The following DCAF13 variants were observed in gnomAD, a reference collection of about 807,000 sequenced individuals.
The protein encoded by DCAF13 is DDB1- and CUL4-associated factor 13.
Under a neutral mutation model 59.0 loss-of-function variants are expected in DCAF13, and 38 were observed. The ratio of observed to expected loss-of-function variants is 0.64; its 90% confidence interval spans 0.50 to 0.84. DCAF13 has a LOEUF of 0.84. Ranked by LOEUF, DCAF13 falls within the 40% of genes least tolerant of loss-of-function variation. The pLI is 0.00. For synonymous variants in DCAF13, 173 were observed against 175.0 expected (o/e 0.99, Z 0.09); for missense variants, 469 against 558.4 (o/e 0.84, Z 1.61).
At chr8:103,419,901 C>G (rs570141122) in intron 1 of DCAF13, among the ~76,000 whole-genome samples, 1 of 150,794 alleles carries the variant, frequency 6.6e-6, no homozygotes, top group African/African-American at 2.4e-5. Flanking sequence ...CCCAGCTACT[C>G]GGGTGGCTGA....
chr8:103,423,704 CAG>C (rs1489078309), intron 3 of DCAF13, among the ~76,000 whole-genome samples: 1 of 152,126 alleles, frequency 6.6e-6, no homozygotes, highest in Non-Finnish European at 1.5e-5. Context: ...TGTGAGGTAA[CAG>C]ATATGTTAAT....
rs779711660 is a variant in DCAF13, at chr8:103,441,379, A to G, written c.1087-76A>G. 6.9e-4 allele frequency: 953 copies of G among 1,379,472 alleles called. 1 individual carries two copies. Among genetic ancestry groups the G allele is most frequent in the Non-Finnish European group, 8.9e-4 (907 of 1,022,992 alleles). The allele number at this position is 1,379,472 out of a possible 1,614,324, so 85.5% of individuals were successfully genotyped here. A position where few individuals can be genotyped will look rare whatever the true frequency, so the allele number is the denominator to read the frequency against. ...CATAAAAGATTAGGTTAGGGGGAAA[A>G]GGGTGCTTTCTAGCTTTTTTATACT... On this transcript the variant is annotated intron_variant, in intron 9 of 10. Coordinates refer to ENST00000612750, the MANE Select transcript of DCAF13 (RefSeq NM_015420.7).
chr8:103,432,206 TC>T (rs1339226721), intron 6 of DCAF13, among the ~76,000 whole-genome samples: 1 of 152,150 alleles, frequency 6.6e-6, no homozygotes, highest in Non-Finnish European at 1.5e-5. Context: ...CAGTGGATAG[TC>T]ATACACAACA....
At chr8:103,418,886 T>A (rs1378381800) in intron 1 of DCAF13, among the ~76,000 whole-genome samples, 6,516 of 66,082 alleles carry the variant, frequency 0.099, 493 homozygotes, top group East Asian at 0.26. Context: ...TTTTTTTTTT[T>A]TTTTTTTTTT....
At chr8:103,429,415 A>G (rs1816832566) in intron 5 of DCAF13, 1 of 152,224 alleles carries the variant, frequency 6.6e-6, no homozygotes, top group South Asian at 2.1e-4. Flanking sequence ...GCAACTATTT[A>G]GTAAATAGCT....
intron 3 of DCAF13, among the ~76,000 whole-genome samples, chr8:103,423,810 A>G (rs1816754130): frequency 6.6e-6 from 1 of 152,180 alleles, no homozygotes; most frequent in Non-Finnish European, 1.5e-5. Flanking sequence ...ATTAAATAAA[A>G]AACATTTTAA....
intron 7 of DCAF13, among the ~76,000 whole-genome samples, chr8:103,433,040 A>G (rs924217064): frequency 1.3e-5 from 2 of 152,154 alleles, no homozygotes; most frequent in African/African-American, 4.8e-5. Flanking sequence ...TTACTTATTT[A>G]GATATTGGAT....
intron 6 of DCAF13, among the ~76,000 whole-genome samples, chr8:103,431,104 G>A (rs527894719): frequency 1.3e-4 from 20 of 152,240 alleles, no homozygotes; most frequent in African/African-American, 4.3e-4. Context: ...ACTCATTCAC[G>A]TAACCAGCTT....
At chr8:103,432,481 A>G (rs1816879126) in intron 6 of DCAF13, among the ~76,000 whole-genome samples, 178 bp from the exon 7 acceptor site, 1 of 152,128 alleles carries the variant, frequency 6.6e-6, no homozygotes, top group Non-Finnish European at 1.5e-5. Flanking sequence ...AAGCATTTCT[A>G]TTTTTATATT....
At chr8:103,422,382 G>C (rs1333598717) in intron 3 of DCAF13, among the ~76,000 whole-genome samples, 1 of 152,120 alleles carries the variant, frequency 6.6e-6, no homozygotes, top group Non-Finnish European at 1.5e-5. Context: ...GGCATCATTG[G>C]GAGGAAATGA....
chr8:103,428,377 TA>T (rs1816820908), intron 5 of DCAF13: 1 of 152,246 alleles, frequency 6.6e-6, no homozygotes, highest in South Asian at 2.1e-4. Flanking sequence ...TTCTCTTGCG[TA>T]CATATTGTCT....
chr8:103,415,843 G>A (rs1446680440), intron 1 of DCAF13, among the ~76,000 whole-genome samples: 1 of 152,174 alleles, frequency 6.6e-6, no homozygotes, highest in Non-Finnish European at 1.5e-5. Flanking sequence ...CCAAACTCGT[G>A]GGTTGAAGGG....
chr8:103,439,223 C>T lies in DCAF13; in HGVS notation c.951-913C>T, dbSNP rs533290548. On this transcript the variant is annotated intron_variant, in intron 8 of 10. Coordinates refer to ENST00000612750, the MANE Select transcript of DCAF13 (RefSeq NM_015420.7). ...GTTTCACCTGGTCTCGATCTCCTGA[C>T]CTCGTGATCCACCTACTGCAGCCTC... Among the ~76,000 whole-genome samples the T allele has an allele frequency of 1.2e-4, 18 of 151,944 alleles. No homozygotes were observed. In the East Asian group the frequency reaches 2.7e-3, roughly 23 times the overall value.
intron 3 of DCAF13, among the ~76,000 whole-genome samples, chr8:103,423,010 AC>A (rs956868452): frequency 5.2e-4 from 79 of 152,226 alleles, no homozygotes; most frequent in African/African-American, 1.9e-3. Flanking sequence ...AAAAAAAAAA[AC>A]TTATTTGCTG....
intron 7 of DCAF13, among the ~76,000 whole-genome samples, chr8:103,435,278 T>C (rs1467483820): frequency 6.6e-6 from 1 of 152,046 alleles, no homozygotes; most frequent in African/African-American, 2.4e-5. Context: ...ATTTAAATAG[T>C]ATGGTGAAAA....
rs540176794 is a variant in DCAF13, at chr8:103,431,401, T to TA, written c.702+713dup. Reference sequence around the variant, plus strand: ...TTGAGATGCCACAAGTCTGTTGTCGTAGTCCACATACAAAAGAAATGCTTT... The same window carrying TA: ...TTGAGATGCCACAAGTCTGTTGTCGTAAGTCCACATACAAAAGAAATGCTTT... On this transcript the variant is annotated intron_variant, in intron 6 of 10. Transcript: ENST00000612750. 1.9e-3 allele frequency among the ~76,000 whole-genome samples: 291 copies of TA among 152,366 alleles called. 1 individual carries two copies. The highest frequency in any genetic ancestry group is 2.6e-3 in the Non-Finnish European group (176 of 68,032).
intron 6 of DCAF13, among the ~76,000 whole-genome samples, chr8:103,431,347 T>C (rs1816862576): frequency 6.6e-6 from 1 of 152,204 alleles, no homozygotes; most frequent in Non-Finnish European, 1.5e-5. Flanking sequence ...GGTACTAGAA[T>C]TTTGAGTGAC....
At chr8:103,438,532 A>C (rs994906568) in intron 8 of DCAF13, among the ~76,000 whole-genome samples, 2 of 150,318 alleles carry the variant, frequency 1.3e-5, no homozygotes, top group African/African-American at 4.9e-5. Flanking sequence ...TGATCCTCCT[A>C]CCTCAGACTC....
intron 1 of DCAF13, among the ~76,000 whole-genome samples, chr8:103,416,153 C>T (rs1161647034): frequency 6.6e-6 from 1 of 152,170 alleles, no homozygotes; most frequent in Non-Finnish European, 1.5e-5. Context: ...GAGCAAAGGT[C>T]TTCAGGCAGG....
Sources: allele counts gnomAD v4.1 joint callset (sites outside exome capture counted in the v4.1 genomes callset), GRCh38; gene constraint gnomAD v4.1.1; transcripts MANE v1.5; gene names NCBI Gene and HGNC (gene_info 2026-07-23, HGNC 2026-07-21).